Variants in ATOSA observed in about 807,000 individuals in gnomAD.
The protein encoded by ATOSA is atos homolog A, also known as atos homolog protein A.
the ATOSA span, among the ~76,000 whole-genome samples, chr15:52,683,054 G>GC: frequency 6.6e-6 from 1 of 152,156 alleles, no homozygotes; most frequent in Non-Finnish European, 1.5e-5. Context: ...TTAGGGCTTA[G>GC]AAATACAAGG....
At chr15:52,635,906 G>C in the ATOSA span, among the ~76,000 whole-genome samples, 1 of 151,600 alleles carries the variant, frequency 6.6e-6, no homozygotes, top group African/African-American at 2.4e-5. Context: ...TGAGGCAGGA[G>C]AATTGCTTGA....
the ATOSA span, chr15:52,586,963 T>C: frequency 5.0e-6 from 6 of 1,212,012 alleles, no homozygotes; most frequent in South Asian, 6.8e-5. Flanking sequence ...GATTAGCTTA[T>C]TAATGCTTTC....
At chr15:52,628,653 A>G in the ATOSA span, among the ~76,000 whole-genome samples, 31 of 152,326 alleles carry the variant, frequency 2.0e-4, no homozygotes, top group African/African-American at 7.5e-4. Context: ...AAAAAGGCAT[A>G]TTTTTAATGT....
chr15:52,584,342 A>G, the ATOSA span, among the ~76,000 whole-genome samples: 2 of 151,864 alleles, frequency 1.3e-5, no homozygotes, highest in African/African-American at 4.8e-5. Flanking sequence ...GGGTTTCACT[A>G]TGTTGGCCAG....
the ATOSA span, among the ~76,000 whole-genome samples, chr15:52,676,105 C>CA: frequency 6.6e-5 from 10 of 151,998 alleles, no homozygotes; most frequent in African/African-American, 2.2e-4. Flanking sequence ...AAACTAGAGA[C>CA]AAAAAAATCT....
At chr15:52,606,807 A>G in the ATOSA span, among the ~76,000 whole-genome samples, 3 of 152,168 alleles carry the variant, frequency 2.0e-5, no homozygotes, top group Non-Finnish European at 1.5e-5. Context: ...AACATGGCAA[A>G]ATTTTAAAAC....
At chr15:52,640,274 A>G in the ATOSA span, among the ~76,000 whole-genome samples, 1 of 152,044 alleles carries the variant, frequency 6.6e-6, no homozygotes, top group Non-Finnish European at 1.5e-5. Context: ...TTTACTAACA[A>G]AAAAGCTTCC....
chr15:52,618,038 C>G, the ATOSA span, among the ~76,000 whole-genome samples: 1 of 57,678 alleles, frequency 1.7e-5, no homozygotes, highest in South Asian at 7.7e-4. Context: ...TTCCCCTCAT[C>G]AATTTTTCCT....
chr15:52,678,402 G>T, the ATOSA span: 3 of 238,032 alleles, frequency 1.3e-5, no homozygotes, highest in Non-Finnish European at 2.5e-5. Flanking sequence ...GCAAGAAGAA[G>T]AAAAAGATTT....
At chr15:52,669,131 C>T in the ATOSA span, among the ~76,000 whole-genome samples, 1 of 151,936 alleles carries the variant, frequency 6.6e-6, no homozygotes, top group African/African-American at 2.4e-5. Flanking sequence ...CATTGTTAGC[C>T]AGGATGGTCT....
At chr15:52,643,799 G>A in the ATOSA span, among the ~76,000 whole-genome samples, 1 of 151,874 alleles carries the variant, frequency 6.6e-6, no homozygotes, top group African/African-American at 2.4e-5. Flanking sequence ...TGTAATCCCA[G>A]CTTCTCAGGA....
chr15:52,609,547 G>C, the ATOSA span: 1 of 1,613,702 alleles, frequency 6.2e-7, no homozygotes. Flanking sequence ...AGAAATACAA[G>C]TTTCACTTCG....
the ATOSA span, among the ~76,000 whole-genome samples, chr15:52,659,174 T>C: frequency 1.3e-5 from 2 of 152,212 alleles, no homozygotes; most frequent in African/African-American, 4.8e-5. Flanking sequence ...GTTTTTTGTT[T>C]CTTGTTTTTT....
At chr15:52,630,785 T>C in the ATOSA span, among the ~76,000 whole-genome samples, 1 of 152,194 alleles carries the variant, frequency 6.6e-6, no homozygotes, top group Non-Finnish European at 1.5e-5. Flanking sequence ...AACAAGTGTT[T>C]ATCGTCCATA....
the ATOSA span, among the ~76,000 whole-genome samples, chr15:52,624,139 C>G: frequency 6.6e-6 from 1 of 152,208 alleles, no homozygotes; most frequent in Admixed American, 6.5e-5. Flanking sequence ...TTGTCTAGGA[C>G]TCTAGGCATC....
At chr15:52,702,658 A>G in the ATOSA span, among the ~76,000 whole-genome samples, 1 of 151,812 alleles carries the variant, frequency 6.6e-6, no homozygotes, top group African/African-American at 2.4e-5. Context: ...TTTGGATACT[A>G]TGCTCAGTAC....
chr15:52,641,005 T>C, the ATOSA span, among the ~76,000 whole-genome samples: 1 of 152,200 alleles, frequency 6.6e-6, no homozygotes, highest in Non-Finnish European at 1.5e-5. Context: ...CCCACGTTTA[T>C]TGCAGTTCTT....
At chr15:52,587,024 CCAAA>C in the ATOSA span, 1 of 1,548,592 alleles carries the variant, frequency 6.5e-7, no homozygotes. Flanking sequence ...CAGGGGAACT[CCAAA>C]CAAAGCTGCA....
At chr15:52,693,136 C>T in the ATOSA span, among the ~76,000 whole-genome samples, 4 of 151,998 alleles carry the variant, frequency 2.6e-5, no homozygotes, top group African/African-American at 7.2e-5. Flanking sequence ...AAAACTATTT[C>T]GGGCCAGGTG....
Sources: gnomAD v4.1 joint callset for allele counts (sites outside exome capture counted in the v4.1 genomes callset) on GRCh38, gnomAD v4.1.1 for gene constraint, MANE v1.5 for transcripts, NCBI Gene and HGNC (gene_info 2026-07-23, HGNC 2026-07-21) for gene names.